The following RPA1 variants were observed in gnomAD, a reference collection of about 807,000 sequenced individuals.
RPA1 encodes the protein replication protein A1, also known as replication protein A 70 kDa DNA-binding subunit.
RPA1 carries 49 observed loss-of-function variants against 83.0 expected under a neutral mutation model. That is an observed-to-expected ratio of 0.59 (90% CI 0.47 to 0.75). The LOEUF is 0.75. RPA1 is among the 30% of genes least tolerant of loss of function. The pLI is 0.00. For synonymous variants in RPA1, 279 were observed against 281.8 expected (o/e 0.99, Z 0.10); for missense variants, 693 against 776.1 (o/e 0.89, Z 1.27).
chr17:1,854,892 T>C (rs554209886), intron 5 of RPA1, among the ~76,000 whole-genome samples: 48 of 152,328 alleles, frequency 3.2e-4, no homozygotes, highest in African/African-American at 9.9e-4. Flanking sequence ...AAATGGCTAA[T>C]ACATTAGAAA....
chr17:1,879,373 T>C lies in RPA1; in HGVS notation c.918T>C (p.Asp306=), dbSNP rs544965764. 4 of 1,614,198 alleles carry C rather than the reference T, an allele frequency of 2.5e-6. No homozygotes were observed. The highest frequency in any genetic ancestry group is 4.5e-5 in the East Asian group (2 of 44,886). The stretch of plus-strand genomic sequence containing the variant: ...TTCAGTTTGATTTCACGGGGATTGA[T>C]GACCTCGAGAACAAGTCGAAAGACT... ...PTVQFDFTGI[D]DLENKSKDSL... Residue 306 remains aspartate, a synonymous_variant, in exon 10 of 17, where the codon GAT becomes GAC. Coordinates refer to ENST00000254719, the MANE Select transcript of RPA1 (RefSeq NM_002945.5).
intron 14 of RPA1, 53 bp from the exon 15 acceptor site, chr17:1,891,780 G>A: frequency 5.9e-6 from 7 of 1,190,618 alleles, no homozygotes; most frequent in Non-Finnish European, 8.5e-6. Context: ...CATCTTCTCA[G>A]TGTGTCTTTT....
intron 5 of RPA1, among the ~76,000 whole-genome samples, chr17:1,861,229 C>T (rs574275435): frequency 1.3e-5 from 2 of 152,266 alleles, no homozygotes; most frequent in African/African-American, 4.8e-5. Flanking sequence ...CTACTCTGTC[C>T]GGCCAGCTAG....
At chr17:1,844,448 CAG>C in intron 3 of RPA1, 128 bp from the exon 4 acceptor site, 1 of 636,746 alleles carries the variant, frequency 1.6e-6, no homozygotes, top group South Asian at 2.1e-5. Context: ...TTTCACTCTG[CAG>C]AGTCTGACTA....
chr17:1,865,797 CTTAT>C (rs1913153980), intron 5 of RPA1, among the ~76,000 whole-genome samples: 2 of 152,168 alleles, frequency 1.3e-5, no homozygotes, highest in Non-Finnish European at 1.5e-5. Context: ...CCTGCTTTTA[CTTAT>C]TTATTATTAT....
chr17:1,843,737 T>C (rs150205798), intron 2 of RPA1, among the ~76,000 whole-genome samples, 183 bp from the exon 3 acceptor site: 1 of 151,814 alleles, frequency 6.6e-6, no homozygotes, highest in Admixed American at 6.6e-5. Context: ...ATAATGTTAG[T>C]GGAGGGAGGT....
chr17:1,872,197 A>G (rs1326051558), intron 5 of RPA1: 2 of 552,356 alleles, frequency 3.6e-6, no homozygotes, highest in Admixed American at 3.1e-5. Flanking sequence ...ACTGAAGGCT[A>G]TCAATTCTAA....
At position 1,889,007 on chromosome 17, in the gene RPA1, C is replaced by T. The variant is rs17339081; in HGVS notation, c.1551+156C>T. Among the ~76,000 whole-genome samples, 17 of 152,250 alleles carry T rather than the reference C, an allele frequency of 1.1e-4. No individual in the cohort carries two copies. The South Asian group carries it at 3.3e-3, about 30-fold the overall frequency. ...AGCTTATCCATCCGCTTTTTCATGC[C>T]AGAAAGTGGTGTTGAGATACCCCAG... On this transcript the variant is annotated intron_variant, in intron 14 of 16. Coordinates refer to ENST00000254719, the MANE Select transcript of RPA1 (RefSeq NM_002945.5).
At chr17:1,842,944 CACT>C in intron 2 of RPA1, 91 bp downstream of exon 2, 1 of 1,399,494 alleles carries the variant, frequency 7.1e-7, no homozygotes, top group Non-Finnish European at 1.0e-6. Flanking sequence ...CAGATTTGTC[CACT>C]TTCGGAAATT....
At chr17:1,882,858 G>A (rs1176298299) in intron 12 of RPA1, among the ~76,000 whole-genome samples, 1 of 152,218 alleles carries the variant, frequency 6.6e-6, no homozygotes, top group African/African-American at 2.4e-5. Flanking sequence ...TATAGCTTAC[G>A]GGTTGTTGAC....
chr17:1,834,457 G>C lies in RPA1; in HGVS notation c.33+4331G>C, dbSNP rs1007318100. On this transcript the variant is annotated intron_variant, in intron 1 of 16. Transcript: ENST00000254719. ...AGTTTCACATGTGTTTGTGGTGATG[G>C]AATGAGTTGGAGAACCTTTGCTGAC... 6.6e-5 allele frequency among the ~76,000 whole-genome samples: 10 copies of C among 152,318 alleles called. No homozygotes were observed. In the South Asian group the frequency reaches 2.1e-3, roughly 32 times the overall value.
At chr17:1,839,669 G>A (rs1911966432) in intron 1 of RPA1, among the ~76,000 whole-genome samples, 2 of 148,554 alleles carry the variant, frequency 1.3e-5, no homozygotes, top group African/African-American at 5.0e-5. Flanking sequence ...ATCTCACTTA[G>A]TCATCCAAGC....
intron 15 of RPA1, among the ~76,000 whole-genome samples, chr17:1,892,663 G>A (rs576917880): frequency 2.1e-4 from 32 of 152,248 alleles, no homozygotes; most frequent in Middle Eastern, 3.4e-3. Flanking sequence ...TAAAATGCAC[G>A]TATGTCAAGT....
intron 4 of RPA1, among the ~76,000 whole-genome samples, chr17:1,851,769 T>C (rs945369565): frequency 3.3e-5 from 5 of 152,192 alleles, no homozygotes; most frequent in Admixed American, 2.6e-4. Context: ...CAGATAGTTA[T>C]TACAGGGAAT....
At chr17:1,840,871 A>T (rs1159580372) in intron 1 of RPA1, among the ~76,000 whole-genome samples, 1 of 152,122 alleles carries the variant, frequency 6.6e-6, no homozygotes, top group African/African-American at 2.4e-5. Context: ...GTTTGAGACC[A>T]GCCTGGCCAA....
At chr17:1,844,030 G>A (rs765143975) in intron 3 of RPA1, 32 bp downstream of exon 3, 7 of 1,592,462 alleles carry the variant, frequency 4.4e-6, no homozygotes, top group African/African-American at 2.7e-5. Flanking sequence ...AGAAATGTGT[G>A]AGTATTTAAA....
intron 6 of RPA1, among the ~76,000 whole-genome samples, chr17:1,873,934 A>G (rs1327607483): frequency 1.4e-5 from 2 of 145,548 alleles, no homozygotes; most frequent in East Asian, 2.1e-4. Flanking sequence ...CGTAGGTTGC[A>G]GTGAGCCAAG....
chr17:1,886,705 CTTTTTTTTTT>C (rs57659628), intron 13 of RPA1, among the ~76,000 whole-genome samples: 1 of 125,446 alleles, frequency 8.0e-6, no homozygotes, highest in South Asian at 2.6e-4. Flanking sequence ...TCTTCTGCAG[CTTTTTTTTTT>C]TTTTTTTTTG....
chr17:1,890,881 G>A (rs1262064011), intron 14 of RPA1, among the ~76,000 whole-genome samples: 2 of 152,106 alleles, frequency 1.3e-5, no homozygotes, highest in African/African-American at 4.8e-5. Context: ...TCACACGTGT[G>A]CGTCATTGTA....
Sources: allele counts gnomAD v4.1 joint callset (sites outside exome capture counted in the v4.1 genomes callset), GRCh38; gene constraint gnomAD v4.1.1; transcripts MANE v1.5; gene names NCBI Gene and HGNC (gene_info 2026-07-23, HGNC 2026-07-21).